TRPC4: variants seen among roughly 807,000 people sequenced by gnomAD.
The protein encoded by TRPC4 is transient receptor potential cation channel subfamily C member 4, also known as short transient receptor potential channel 4.
A neutral mutation model predicts 99.4 loss-of-function variants in TRPC4; 49 were observed. The ratio of observed to expected loss-of-function variants is 0.49; its 90% confidence interval spans 0.39 to 0.63. The LOEUF (loss-of-function observed/expected upper bound fraction) is 0.63, where lower values mean the gene tolerates loss of function less well. Ranked by LOEUF, TRPC4 falls within the 20% of genes least tolerant of loss-of-function variation. The pLI, the probability that TRPC4 is intolerant of heterozygous loss-of-function variation, is 0.00. For synonymous variants in TRPC4, 454 were observed against 425.9 expected, an observed-to-expected ratio of 1.07 and a Z score of -0.81; for missense variants, 898 against 1,152.9, an observed-to-expected ratio of 0.78 and a Z score of 3.20.
intron 2 of TRPC4, among the ~76,000 whole-genome samples, chr13:37,750,916 T>C (rs1415274994): frequency 6.6e-6 from 1 of 152,076 alleles, no homozygotes; most frequent in Non-Finnish European, 1.5e-5. Flanking sequence ...CTACGGGAGA[T>C]GGATTTCTAA....
At chr13:37,757,163 G>T (rs1325965083) in intron 2 of TRPC4, among the ~76,000 whole-genome samples, 2 of 151,920 alleles carry the variant, frequency 1.3e-5, no homozygotes, top group Admixed American at 6.6e-5. Flanking sequence ...AAGATAATTA[G>T]ACTACTTTTG....
chr13:37,660,978 A>G (rs1390858850), intron 6 of TRPC4, among the ~76,000 whole-genome samples: 2 of 152,206 alleles, frequency 1.3e-5, no homozygotes, highest in African/African-American at 4.8e-5. Flanking sequence ...CCTAATGTTA[A>G]GGGCTATTGA....
chr13:37,664,254 A>C (rs949626114), intron 5 of TRPC4, among the ~76,000 whole-genome samples: 4 of 152,160 alleles, frequency 2.6e-5, no homozygotes, highest in Admixed American at 2.6e-4. Context: ...ACTGTGTACT[A>C]TCGAGGTAAA....
chr13:37,803,394 C>T (rs1957453937), intron 1 of TRPC4, among the ~76,000 whole-genome samples: 1 of 152,012 alleles, frequency 6.6e-6, no homozygotes. Context: ...TAAACTCACC[C>T]ACATATAGAG....
At chr13:37,731,995 C>T (rs1955253221) in intron 3 of TRPC4, among the ~76,000 whole-genome samples, 1 of 151,970 alleles carries the variant, frequency 6.6e-6, no homozygotes, top group Non-Finnish European at 1.5e-5. Context: ...AGAAGAACTG[C>T]CATCAAGGTA....
At chr13:37,717,839 C>T (rs1954732383) in intron 3 of TRPC4, among the ~76,000 whole-genome samples, 2 of 151,988 alleles carry the variant, frequency 1.3e-5, no homozygotes, top group African/African-American at 4.8e-5. Flanking sequence ...CCGAAAAGAA[C>T]AGCTATAACT....
chr13:37,713,605 C>T (rs1046564990), intron 3 of TRPC4, among the ~76,000 whole-genome samples: 3 of 152,164 alleles, frequency 2.0e-5, no homozygotes, highest in South Asian at 2.1e-4. Flanking sequence ...ACTAAAAGAA[C>T]GTTTCAGTCT....
intron 6 of TRPC4, among the ~76,000 whole-genome samples, chr13:37,660,202 G>C (rs1952382950): frequency 6.6e-6 from 1 of 152,162 alleles, no homozygotes; most frequent in African/African-American, 2.4e-5. Context: ...GTTAGGGTTA[G>C]AGTAAAGTGA....
At chr13:37,638,617 T>C (rs953179456) in intron 10 of TRPC4, among the ~76,000 whole-genome samples, 3 of 152,162 alleles carry the variant, frequency 2.0e-5, no homozygotes, top group Admixed American at 2.0e-4. Flanking sequence ...TTAAAAACTA[T>C]CAAGGAGAAA....
intron 1 of TRPC4, among the ~76,000 whole-genome samples, chr13:37,788,458 C>A (rs1957026277): frequency 6.6e-6 from 1 of 151,838 alleles, no homozygotes; most frequent in South Asian, 2.1e-4. Flanking sequence ...TAATCATGTC[C>A]TCCTAGTTGC....
At chr13:37,723,037 C>G (rs1239661751) in intron 3 of TRPC4, among the ~76,000 whole-genome samples, 1 of 152,054 alleles carries the variant, frequency 6.6e-6, no homozygotes, top group Admixed American at 6.6e-5. Flanking sequence ...GAGTTAGTAC[C>G]AAATGAGTCC....
intron 1 of TRPC4, among the ~76,000 whole-genome samples, chr13:37,823,574 A>T (rs1005779862): frequency 3.4e-4 from 52 of 152,152 alleles, no homozygotes; most frequent in African/African-American, 1.3e-3. Flanking sequence ...CAAAGATCAA[A>T]TACTTGTAGA....
chr13:37,704,994 C>T (rs1337986991), intron 3 of TRPC4, among the ~76,000 whole-genome samples: 2 of 152,104 alleles, frequency 1.3e-5, no homozygotes, highest in Non-Finnish European at 2.9e-5. Context: ...GATATCTGCA[C>T]TTCTGTGTTT....
chr13:37,786,733 C>T (rs901746866), intron 1 of TRPC4, among the ~76,000 whole-genome samples: 3 of 152,008 alleles, frequency 2.0e-5, no homozygotes, highest in African/African-American at 7.2e-5. Context: ...CATGAGACTG[C>T]AGAATTTTAA....
chr13:37,811,492 C>T (rs536453637), intron 1 of TRPC4, among the ~76,000 whole-genome samples: 1 of 152,218 alleles, frequency 6.6e-6, no homozygotes, highest in Admixed American at 6.5e-5. Context: ...CAAACTCCCT[C>T]ACTTGGGGAT....
At chr13:37,751,678 A>G (rs909603245) in intron 2 of TRPC4, among the ~76,000 whole-genome samples, 1 of 152,084 alleles carries the variant, frequency 6.6e-6, no homozygotes, top group African/African-American at 2.4e-5. Flanking sequence ...TCAATAATTT[A>G]TTCATATATT....
chr13:37,684,965 G>T (rs1953413207), intron 4 of TRPC4, among the ~76,000 whole-genome samples: 1 of 152,072 alleles, frequency 6.6e-6, no homozygotes, highest in South Asian at 2.1e-4. Flanking sequence ...TTCTTTCTTG[G>T]AATGGATTGC....
intron 1 of TRPC4, among the ~76,000 whole-genome samples, chr13:37,814,719 T>C (rs1346379314): frequency 6.6e-6 from 1 of 151,828 alleles, no homozygotes; most frequent in African/African-American, 2.4e-5. Context: ...TTTGTATTCA[T>C]GTATTGGAAA....
At chr13:37,699,849 A>G (rs1036046229) in intron 3 of TRPC4, among the ~76,000 whole-genome samples, 2 of 152,192 alleles carry the variant, frequency 1.3e-5, no homozygotes, top group Non-Finnish European at 2.9e-5. Context: ...AACTTCTGAA[A>G]CCATTCCTGA....
Sources: gnomAD v4.1 joint callset for allele counts (sites outside exome capture counted in the v4.1 genomes callset) on GRCh38, gnomAD v4.1.1 for gene constraint, MANE v1.5 for transcripts, NCBI Gene and HGNC (gene_info 2026-07-23, HGNC 2026-07-21) for gene names.